CTNNA2: variants seen among roughly 807,000 people sequenced by gnomAD.
The protein encoded by CTNNA2 is catenin alpha-2.
Under a neutral mutation model 101.0 loss-of-function variants are expected in CTNNA2, and 42 were observed. The ratio of observed to expected loss-of-function variants is 0.42; its 90% CI spans 0.32 to 0.54. CTNNA2 has a LOEUF of 0.54. Ranked by LOEUF, CTNNA2 falls within the 20% of genes least tolerant of loss-of-function variation. The probability of loss-of-function intolerance (pLI) is 0.14; values close to 1 mark genes in which losing one functional copy is unlikely to be tolerated. For synonymous variants in CTNNA2, 450 were observed against 456.4 expected, an observed-to-expected ratio of 0.99 and a Z score of 0.18; for missense variants, 871 against 1,223.1, an observed-to-expected ratio of 0.71 and a Z score of 4.29.
intron 1 of CTNNA2, among the ~76,000 whole-genome samples, chr2:79,555,840 T>C (rs1674412220): frequency 6.6e-6 from 1 of 152,078 alleles, no homozygotes; most frequent in South Asian, 2.1e-4. Context: ...CTGAGCTGAG[T>C]AAGTAAACAA....
intron 1 of CTNNA2, among the ~76,000 whole-genome samples, chr2:79,194,505 C>A (rs1673933181): frequency 6.6e-6 from 1 of 152,162 alleles, no homozygotes; most frequent in Non-Finnish European, 1.5e-5. Context: ...ACCCAATTCC[C>A]TAAATGCAGT....
At chr2:80,203,820 G>A (rs1457716514) in intron 7 of CTNNA2, among the ~76,000 whole-genome samples, 1 of 152,214 alleles carries the variant, frequency 6.6e-6, no homozygotes, top group African/African-American at 2.4e-5. Context: ...CCTTAGCAGA[G>A]GTTCTCTATG....
chr2:80,156,669 C>T (rs1342510947), intron 7 of CTNNA2, among the ~76,000 whole-genome samples: 1 of 152,198 alleles, frequency 6.6e-6, no homozygotes, highest in Non-Finnish European at 1.5e-5. Flanking sequence ...AGCTTCGCTC[C>T]TCATTAGCCA....
At chr2:79,331,931 C>T (rs1676882504) in intron 3 of CTNNA2, among the ~76,000 whole-genome samples, 1 of 152,122 alleles carries the variant, frequency 6.6e-6, no homozygotes, top group Non-Finnish European at 1.5e-5. Context: ...TGCTGAGACA[C>T]ATAGTCATAA....
intron 4 of CTNNA2, among the ~76,000 whole-genome samples, chr2:79,409,074 T>G (rs940209726): frequency 1.4e-4 from 21 of 152,106 alleles, no homozygotes; most frequent in South Asian, 1.0e-3. Flanking sequence ...TTTTCATGTG[T>G]TTTTTGGCTG....
intron 7 of CTNNA2, among the ~76,000 whole-genome samples, chr2:80,230,143 G>T (rs1448090076): frequency 1.3e-5 from 2 of 151,828 alleles, no homozygotes; most frequent in Non-Finnish European, 2.9e-5. Flanking sequence ...TACACTCTAT[G>T]ATGTTCACAC....
intron 7 of CTNNA2, among the ~76,000 whole-genome samples, chr2:80,222,165 A>C (rs1573435710): frequency 6.6e-6 from 1 of 152,230 alleles, no homozygotes; most frequent in Non-Finnish European, 1.5e-5. Flanking sequence ...GGTGACAAAA[A>C]CCAGGCTAGA....
chr2:80,231,089 G>A (rs545729530), intron 7 of CTNNA2, among the ~76,000 whole-genome samples: 2 of 151,922 alleles, frequency 1.3e-5, no homozygotes, highest in African/African-American at 2.4e-5. Context: ...CTCCTGCCTC[G>A]GCCTCCCAAG....
chr2:79,926,898 A>T (rs992328885), intron 7 of CTNNA2, among the ~76,000 whole-genome samples: 2 of 152,060 alleles, frequency 1.3e-5, no homozygotes, highest in African/African-American at 4.8e-5. Context: ...GCATATCAAG[A>T]TAGAAATAGG....
chr2:79,822,862 G>T (rs1161617796), intron 3 of CTNNA2, among the ~76,000 whole-genome samples: 1 of 152,100 alleles, frequency 6.6e-6, no homozygotes, highest in African/African-American at 2.4e-5. Flanking sequence ...TATATGATCT[G>T]CCTGCTCTCC....
At chr2:79,445,022 G>A (rs941854998) in intron 4 of CTNNA2, among the ~76,000 whole-genome samples, 1 of 152,078 alleles carries the variant, frequency 6.6e-6, no homozygotes, top group South Asian at 2.1e-4. Context: ...TACTACTGGG[G>A]CAATCTAAGA....
intron 8 of CTNNA2, among the ~76,000 whole-genome samples, chr2:80,401,567 G>C (rs760083069): frequency 3.9e-5 from 6 of 152,078 alleles, no homozygotes; most frequent in Non-Finnish European, 8.8e-5. Context: ...GTCATAACAA[G>C]CTTCCTACTT....
intron 8 of CTNNA2, among the ~76,000 whole-genome samples, chr2:80,404,348 C>T (rs1307136246): frequency 6.6e-6 from 1 of 151,672 alleles, no homozygotes; most frequent in African/African-American, 2.4e-5. Flanking sequence ...AAACACAGCT[C>T]CTGGATTTGT....
At chr2:79,224,402 A>G (rs2104227249) in intron 2 of CTNNA2, among the ~76,000 whole-genome samples, 1 of 152,296 alleles carries the variant, frequency 6.6e-6, no homozygotes, top group African/African-American at 2.4e-5. Context: ...ACATTCAAAT[A>G]TCTATCACCC....
intron 9 of CTNNA2, among the ~76,000 whole-genome samples, chr2:80,498,213 C>A (rs1254934367): frequency 6.6e-6 from 1 of 152,182 alleles, no homozygotes; most frequent in African/African-American, 2.4e-5. Flanking sequence ...CTCCGCCTCC[C>A]ATTATCACAG....
intron 7 of CTNNA2, among the ~76,000 whole-genome samples, chr2:80,340,175 C>T (rs1672105052): frequency 1.3e-5 from 2 of 152,278 alleles, no homozygotes; most frequent in East Asian, 1.9e-4. Flanking sequence ...TCTTCATGGA[C>T]GTGGATAATA....
chr2:79,553,202 T>A (rs192751133), intron 1 of CTNNA2, among the ~76,000 whole-genome samples: 1 of 152,292 alleles, frequency 6.6e-6, no homozygotes, highest in East Asian at 1.9e-4. Context: ...CAAGTTCAAA[T>A]TTCCAAATAT....
At position 80,541,346 on chromosome 2, in the gene CTNNA2, G is replaced by C. The variant is rs541446803; in HGVS notation, c.1291-3636G>C. Among the ~76,000 whole-genome samples the C allele has an allele frequency of 7.2e-5, 11 of 152,230 alleles. No homozygotes were observed. In the South Asian group the frequency reaches 2.1e-3, roughly 29 times the overall value. On this transcript the variant is annotated intron_variant, in intron 9 of 18. Transcript: ENST00000402739. ...GCAGAGTATAGGCTGCCAGACTTTA[G>C]GATTTATGGATCAGTACAATTAAAG...
chr2:80,265,784 T>TGAGAA (rs1291981534), intron 7 of CTNNA2, among the ~76,000 whole-genome samples: 3 of 152,168 alleles, frequency 2.0e-5, no homozygotes, highest in Admixed American at 6.5e-5. Flanking sequence ...AGATAACAAC[T>TGAGAA]GAGAAGAGAA....
Sources: gnomAD v4.1 joint callset for allele counts (sites outside exome capture counted in the v4.1 genomes callset) on GRCh38, gnomAD v4.1.1 for gene constraint, MANE v1.5 for transcripts, NCBI Gene and HGNC (gene_info 2026-07-23, HGNC 2026-07-21) for gene names.